The following TAPT1 variants were observed in gnomAD, a reference collection of about 807,000 sequenced individuals.
TAPT1 encodes transmembrane anterior posterior transformation 1.
A neutral mutation model predicts 65.6 loss-of-function variants in TAPT1; 28 were observed. The ratio of observed to expected loss-of-function variants is 0.43; its 90% CI spans 0.32 to 0.59. The LOEUF (loss-of-function observed/expected upper bound fraction) is 0.59. Among genes scored for constraint, TAPT1 ranks in the 20% least tolerant of loss-of-function variants. The pLI, the probability that TAPT1 is intolerant of heterozygous loss-of-function variation, is 0.09. For missense variants in TAPT1, 563 were observed against 679.9 expected, an observed-to-expected ratio of 0.83 and a Z score of 1.91; for synonymous variants, 278 against 245.2, an observed-to-expected ratio of 1.13 and a Z score of -1.25.
chr4:16,183,716 C>G (rs1748846256), intron 7 of TAPT1, among the ~76,000 whole-genome samples: 1 of 152,180 alleles, frequency 6.6e-6, no homozygotes, highest in Non-Finnish European at 1.5e-5. Flanking sequence ...AAACGAAATT[C>G]TTACAGTTGA....
chr4:16,224,402 G>A (rs942396332), intron 1 of TAPT1, among the ~76,000 whole-genome samples: 1 of 152,218 alleles, frequency 6.6e-6, no homozygotes, highest in East Asian at 1.9e-4. Flanking sequence ...AGTGGCAGGA[G>A]CTATGTGACT....
chr4:16,193,559 A>G (rs1205144402), intron 3 of TAPT1, among the ~76,000 whole-genome samples: 1 of 152,218 alleles, frequency 6.6e-6, no homozygotes, highest in African/African-American at 2.4e-5. Flanking sequence ...GAATATCAAG[A>G]TAATTTCCTG....
chr4:16,192,733 CT>C (rs1158887032), intron 3 of TAPT1, among the ~76,000 whole-genome samples: 1 of 152,162 alleles, frequency 6.6e-6, no homozygotes, highest in Non-Finnish European at 1.5e-5. Context: ...GTTTTGTCAG[CT>C]TTTATGCATA....
intron 1 of TAPT1, among the ~76,000 whole-genome samples, chr4:16,217,455 G>C (rs1751005891): frequency 6.6e-6 from 1 of 152,186 alleles, no homozygotes; most frequent in Non-Finnish European, 1.5e-5. Context: ...GTCTCTTTAG[G>C]AGTCAGGCAG....
chr4:16,198,524 A>G (rs1381131779), intron 3 of TAPT1, among the ~76,000 whole-genome samples: 2 of 151,922 alleles, frequency 1.3e-5, no homozygotes, highest in African/African-American at 4.8e-5. Context: ...GGAAGACAGT[A>G]AGTTTTTACA....
chr4:16,215,409 T>C (rs1168475184), intron 1 of TAPT1, among the ~76,000 whole-genome samples: 5 of 152,134 alleles, frequency 3.3e-5, no homozygotes, highest in Non-Finnish European at 5.9e-5. Flanking sequence ...CCTCCAGCAT[T>C]AAAACGGATT....
At chr4:16,168,977 C>T (rs1314242464) in intron 12 of TAPT1, among the ~76,000 whole-genome samples, 1 of 152,228 alleles carries the variant, frequency 6.6e-6, no homozygotes, top group African/African-American at 2.4e-5. Context: ...TGTCAAAAAG[C>T]CCAACTGAAT....
At chr4:16,215,857 G>C (rs1021038527) in intron 1 of TAPT1, among the ~76,000 whole-genome samples, 4 of 152,106 alleles carry the variant, frequency 2.6e-5, no homozygotes, top group African/African-American at 9.7e-5. Context: ...CTCTTTCAAG[G>C]TGAGAAAAAG....
At chr4:16,173,231 G>GACT (rs1748116950) in intron 11 of TAPT1, among the ~76,000 whole-genome samples, 1 of 151,598 alleles carries the variant, frequency 6.6e-6, no homozygotes, top group Non-Finnish European at 1.5e-5. Flanking sequence ...GAGTAGCTAG[G>GACT]ACTACAGGTG....
At chr4:16,220,991 C>G (rs183706332) in intron 1 of TAPT1, among the ~76,000 whole-genome samples, 1 of 152,034 alleles carries the variant, frequency 6.6e-6, no homozygotes, top group East Asian at 1.9e-4. Flanking sequence ...GCCTTGGCCT[C>G]TCCAAGTGCT....
intron 4 of TAPT1, chr4:16,190,826 A>C (rs1749326164): frequency 6.5e-6 from 1 of 154,894 alleles, no homozygotes; most frequent in African/African-American, 2.4e-5. Context: ...TTGTACTAAA[A>C]ACATTACTTA....
chr4:16,227,269 G>A, upstream of TAPT1: 1 of 455,516 alleles, frequency 2.2e-6, no homozygotes, highest in Non-Finnish European at 4.4e-6. Flanking sequence ...TTTCGGGACT[G>A]GGGTTAGGAG....
intron 3 of TAPT1, among the ~76,000 whole-genome samples, chr4:16,195,476 G>C (rs1749652305): frequency 6.6e-6 from 1 of 152,174 alleles, no homozygotes; most frequent in Non-Finnish European, 1.5e-5. Context: ...AGGTTTGGGT[G>C]TATGTCATCA....
intron 11 of TAPT1, among the ~76,000 whole-genome samples, chr4:16,172,747 T>A (rs1363202195): frequency 1.3e-5 from 2 of 152,194 alleles, no homozygotes; most frequent in African/African-American, 2.4e-5. Flanking sequence ...TTAGCTGATT[T>A]GCATGAGACT....
chr4:16,176,408 T>G lies in TAPT1; in HGVS notation c.998-180A>C, dbSNP rs576436648. ...TATACTGTATCAAGTTAAAGGATAC[T>G]TCATTCAACAAACGTTTACTCAGGC... On this transcript the variant is annotated intron_variant, in intron 8 of 13. Coordinates refer to ENST00000405303, the MANE Select transcript of TAPT1 (RefSeq NM_153365.3). 3.1e-5 allele frequency: 13 copies of G among 412,772 alleles called. No homozygotes were observed. In the South Asian group the frequency reaches 7.0e-4, roughly 22 times the overall value. 25.6% of individuals were successfully genotyped at this position (412,772 alleles called of 1,614,324 possible).
intron 12 of TAPT1, among the ~76,000 whole-genome samples, chr4:16,168,712 G>GC (rs1747799989): frequency 1.3e-5 from 2 of 152,240 alleles, no homozygotes; most frequent in African/African-American, 4.8e-5. Context: ...AGAGTGACTT[G>GC]TTTTTCTAGT....
At chr4:16,219,594 G>A (rs781454011) in intron 1 of TAPT1, among the ~76,000 whole-genome samples, 3 of 152,186 alleles carry the variant, frequency 2.0e-5, no homozygotes, top group Non-Finnish European at 2.9e-5. Context: ...TAAATATCTT[G>A]AAAGCTTTGT....
intron 12 of TAPT1, among the ~76,000 whole-genome samples, chr4:16,167,783 A>G (rs554116280): frequency 5.3e-5 from 8 of 152,352 alleles, no homozygotes; most frequent in African/African-American, 1.7e-4. Flanking sequence ...AATTTGTTCC[A>G]TATCAGTTAA....
intron 3 of TAPT1, among the ~76,000 whole-genome samples, 168 bp from the exon 4 acceptor site, chr4:16,191,691 T>C (rs1366156255): frequency 2.0e-5 from 3 of 152,232 alleles, no homozygotes; most frequent in Non-Finnish European, 2.9e-5. Context: ...TACTCGACAG[T>C]GTAAAATTTT....
Sources: gnomAD v4.1 joint callset for allele counts (sites outside exome capture counted in the v4.1 genomes callset) on GRCh38, gnomAD v4.1.1 for gene constraint, MANE v1.5 for transcripts, NCBI Gene and HGNC (gene_info 2026-07-23, HGNC 2026-07-21) for gene names.